CCDC191: variants seen among roughly 807,000 people sequenced by gnomAD.
CCDC191 encodes the protein coiled-coil domain-containing protein 191.
In CCDC191, 99 loss-of-function variants were observed where a neutral mutation model predicts 114.0. That is an observed-to-expected ratio of 0.87 (90% CI 0.74 to 1.03). The LOEUF (loss-of-function observed/expected upper bound fraction) is 1.03, where lower values mean the gene tolerates loss of function less well. Ranked by LOEUF, CCDC191 falls within the 50% of genes least tolerant of loss-of-function variation. The pLI, the probability that CCDC191 is intolerant of heterozygous loss-of-function variation, is 0.00. For missense variants in CCDC191, 973 were observed against 1,087.0 expected (o/e 0.90, Z 1.47); for synonymous variants, 351 against 376.0 (o/e 0.93, Z 0.77).
chr3:114,005,428 A>C (rs1020769758), intron 10 of CCDC191, 80 bp downstream of exon 10: 11 of 1,350,350 alleles, frequency 8.1e-6, no homozygotes, highest in Non-Finnish European at 1.1e-5. Flanking sequence ...GGGGCTCAGA[A>C]GCAGGGCAAA....
chr3:114,024,173 T>C (rs62267073), intron 7 of CCDC191, among the ~76,000 whole-genome samples: 12,920 of 152,234 alleles, frequency 0.085, 593 homozygotes, highest in Middle Eastern at 0.12. Context: ...CCAGTTAGAA[T>C]GGCGATTATT....
At chr3:114,017,102 CTTT>C (rs374809107) in intron 8 of CCDC191, among the ~76,000 whole-genome samples, 30 of 136,424 alleles carry the variant, frequency 2.2e-4, no homozygotes, top group South Asian at 4.8e-4. Flanking sequence ...CAAGGATTCA[CTTT>C]TTTTTTTTTT....
rs1275272612 is a variant in CCDC191 at position 114,031,722 on chromosome 3, T to C, written c.876A>G (p.Gln292=). Reference sequence around the variant, plus strand: ...CCTCATCTGGAAGAATGTGAGTACTTTGAAACATGACTTTTTCTGAACTAT... The same window carrying C: ...CCTCATCTGGAAGAATGTGAGTACTCTGAAACATGACTTTTTCTGAACTAT... ...SQNSSEKVMF[Q]STHILPDEEK... Residue 292 remains glutamine, a synonymous_variant, in exon 7 of 17, where the codon CAA becomes CAG. Coordinates refer to ENST00000295878, the MANE Select transcript of CCDC191 (RefSeq NM_020817.2). 4 of 1,552,880 alleles carry C rather than the reference T, an allele frequency of 2.6e-6. No individual in the cohort carries two copies. The highest frequency in any genetic ancestry group is 2.2e-5 in the East Asian group (1 of 44,552).
intron 13 of CCDC191, among the ~76,000 whole-genome samples, chr3:113,987,681 A>C (rs1483594427): frequency 1.3e-5 from 2 of 152,210 alleles, no homozygotes; most frequent in Non-Finnish European, 2.9e-5. Context: ...TTACAGGTAC[A>C]TGCTACGACA....
chr3:114,004,623 C>G lies in CCDC191; in HGVS notation c.1978+14G>C, dbSNP rs766039193. On this transcript the variant is annotated intron_variant, in intron 11 of 16. Coordinates refer to ENST00000295878, the MANE Select transcript of CCDC191 (RefSeq NM_020817.2). ...AGATAACAACCACCAAGGCCACCAC[C>G]GAGACAGCCCTGCCTTTTAGTATGG... is the stretch of plus-strand genomic sequence containing the variant. 6.2e-7 allele frequency: 1 copy of G among 1,610,112 alleles called. No individual in the cohort carries two copies. Among genetic ancestry groups the G allele is most frequent in the Non-Finnish European group, 8.5e-7 (1 of 1,177,798 alleles).
At chr3:113,965,493 G>A (rs952189559) in intron 16 of CCDC191, 134 bp from the exon 17 acceptor site, 20 of 509,030 alleles carry the variant, frequency 3.9e-5, no homozygotes, top group African/African-American at 2.5e-4. Flanking sequence ...AATCACAATC[G>A]GGATTATGAC....
At position 114,005,513 on chromosome 3, in the gene CCDC191, A is replaced by G. The variant is rs776608757; in HGVS notation, c.1863T>C (p.Leu621=). The change falls in exon 10 of 17, where the codon CTT becomes CTC. Residue 621 remains leucine (L), a synonymous_variant. Transcript: ENST00000295878. ...REEEPRTCQM[L]VNSPVASPGT... ...TTCTGATAGAACAGACATACTTCAC[A>G]AGCATCTGGCAGGTTCTTGGTTCCT... 1 of 1,604,890 alleles carries G rather than the reference A, an allele frequency of 6.2e-7. No individual in the cohort carries two copies. The highest frequency in any genetic ancestry group is 1.7e-5 in the Admixed American group (1 of 58,012).
In CCDC191 at chr3:113,976,306, C is replaced by T. The variant is rs79590423; in HGVS notation, c.2606+1880G>A. On this transcript the variant is annotated intron_variant, in intron 16 of 16. Transcript: ENST00000295878. ...AAAACACAAAAACAAACAAAAAAGA[C>T]AGAGGGAGAATTAGAAAAATGGGGA... is the stretch of plus-strand genomic sequence containing the variant. Among the ~76,000 whole-genome samples the T allele has an allele frequency of 7.5e-3, 1,130 of 151,174 alleles. 8 individuals are homozygous for T. The highest frequency in any genetic ancestry group is 0.026 in the African/African-American group (1,067 of 41,246).
intron 7 of CCDC191, among the ~76,000 whole-genome samples, chr3:114,025,030 A>G (rs2076299739): frequency 6.6e-6 from 1 of 152,154 alleles, no homozygotes; most frequent in African/African-American, 2.4e-5. Context: ...TATGCTCATA[A>G]CTAATAGCAT....
intron 4 of CCDC191, among the ~76,000 whole-genome samples, chr3:114,040,903 C>G (rs1337535970): frequency 6.6e-6 from 1 of 151,798 alleles, no homozygotes; most frequent in Non-Finnish European, 1.5e-5. Flanking sequence ...AAGCATTTTT[C>G]AGGAATGTAT....
At position 114,018,769 on chromosome 3, in the gene CCDC191, T is replaced by C; in HGVS notation, c.1072A>G (p.Lys358Glu). 1.2e-6 allele frequency: 2 copies of C among 1,613,898 alleles called. No individual in the cohort carries two copies. Among genetic ancestry groups the C allele is most frequent in the Non-Finnish European group, 1.7e-6 (2 of 1,179,862 alleles). Residue 358 changes from lysine to glutamate, a missense_variant, in exon 8 of 17, where the codon AAG becomes GAG. Lys to Glu is a moderately conservative substitution (Grantham distance 56, BLOSUM62 1). Transcript: ENST00000295878. ...TAGTCTCTCCAGGCCCGCAGGACCT[T>C]CAGCTGAATCTTCCAGTCAGACAGG... Reference protein sequence around the residue: ...GTLSDWKIQLKVLRAWRDYTR... With the variant: ...GTLSDWKIQLEVLRAWRDYTR...
chr3:113,985,900 A>G (rs895815661), intron 13 of CCDC191, among the ~76,000 whole-genome samples: 1 of 152,212 alleles, frequency 6.6e-6, no homozygotes, highest in African/African-American at 2.4e-5. Context: ...TGCCCTGAAC[A>G]ACAGGTCTGG....
At chr3:113,972,186 T>C (rs1277720171) in intron 16 of CCDC191, among the ~76,000 whole-genome samples, 6 of 152,128 alleles carry the variant, frequency 3.9e-5, no homozygotes, top group Non-Finnish European at 5.9e-5. Context: ...TTGAAGTCTG[T>C]CAACTTTTTT....
rs779556883 is a variant in CCDC191 at position 113,980,663 on chromosome 3, T to A, written c.2294A>T (p.Lys765Ile). 1 of 1,589,354 alleles carries A rather than the reference T, an allele frequency of 6.3e-7. No individual in the cohort carries two copies. The highest frequency in any genetic ancestry group is 8.5e-7 in the Non-Finnish European group (1 of 1,173,318). Residue 765 changes from lysine to isoleucine, a missense_variant, in exon 14 of 17, where the codon AAA becomes ATA. Lys to Ile is a moderately radical substitution (Grantham distance 102). Transcript: ENST00000295878. ...EPWKRLRMQSKQNIQVAEEHY... is the reference protein window; with the variant it reads ...EPWKRLRMQSIQNIQVAEEHY... ...GGGACAGTGTACCTGGATGTTTTGT[T>A]TGCTTTGCATTCTCAATCTCTTCCA...
At chr3:114,038,367 T>C (rs934189537) in intron 4 of CCDC191, among the ~76,000 whole-genome samples, 17 of 152,210 alleles carry the variant, frequency 1.1e-4, no homozygotes, top group Non-Finnish European at 1.3e-4. Flanking sequence ...GCTGAAAAAC[T>C]ATTGCCTAGT....
chr3:113,977,728 C>T (rs2074978741), intron 16 of CCDC191, among the ~76,000 whole-genome samples: 2 of 152,150 alleles, frequency 1.3e-5, no homozygotes, highest in South Asian at 4.1e-4. Flanking sequence ...AACGTTTTGA[C>T]CTCAGTGGTG....
At chr3:113,994,735 C>A (rs1356239686) in intron 13 of CCDC191, among the ~76,000 whole-genome samples, 1 of 152,024 alleles carries the variant, frequency 6.6e-6, no homozygotes, top group African/African-American at 2.4e-5. Flanking sequence ...AGGTGCATGT[C>A]ACCACACCCG....
Position 113,978,329 on chromosome 3 carries a change from G to A in CCDC191, c.2463C>T (p.Tyr821=), listed in dbSNP as rs145896589. The A allele has an allele frequency of 2.4e-4, 391 of 1,613,556 alleles. 3 individuals carry two copies. The highest frequency in any genetic ancestry group is 1.3e-3 in the South Asian group (116 of 91,044). The change falls in exon 16 of 17, where the codon TAC becomes TAT. Residue 821 remains tyrosine, a splice_region_variant and synonymous_variant. Transcript: ENST00000295878. ...TTACTTCTTCCTGCAGATCAATCACGTACTGGGGATGAAGACAGAAATAAA... is the reference window on the plus strand; with the variant it reads ...TTACTTCTTCCTGCAGATCAATCACATACTGGGGATGAAGACAGAAATAAA... ...LKRVIQSWLQ[Y]VIDLQEEVRK... is the part of the protein sequence containing the mutation.
chr3:113,966,145 C>T (rs914558101), intron 16 of CCDC191, among the ~76,000 whole-genome samples: 5 of 152,066 alleles, frequency 3.3e-5, no homozygotes, highest in Non-Finnish European at 7.4e-5. Flanking sequence ...GGCCTCAGTG[C>T]GTAGACATAT....
Sources: allele counts gnomAD v4.1 joint callset (sites outside exome capture counted in the v4.1 genomes callset), GRCh38; gene constraint gnomAD v4.1.1; transcripts MANE v1.5; gene names NCBI Gene and HGNC (gene_info 2026-07-23, HGNC 2026-07-21).